ADAM18: variants seen among roughly 807,000 people sequenced by gnomAD.
ADAM18 encodes the protein ADAM metallopeptidase domain 18, also known as disintegrin and metalloproteinase domain-containing protein 18.
In ADAM18, 117 loss-of-function variants were observed where a neutral mutation model predicts 94.4. The observed-to-expected ratio is 1.24, with a 90% CI of 1.07 to 1.45. ADAM18 has a LOEUF of 1.45. ADAM18 is among the 40% of genes most tolerant of loss of function. The pLI, the probability that ADAM18 is intolerant of heterozygous loss-of-function variation, is 0.00. For synonymous variants in ADAM18, 327 were observed against 291.6 expected (o/e 1.12, Z -1.24); for missense variants, 936 against 880.0 (o/e 1.06, Z -0.81).
intron 18 of ADAM18, among the ~76,000 whole-genome samples, chr8:39,707,638 T>C (rs1001183732): frequency 6.6e-6 from 1 of 152,298 alleles, no homozygotes; most frequent in Admixed American, 6.5e-5. Context: ...GTTTCCTTAT[T>C]AAGGAAAATA....
At chr8:39,725,646 C>A (rs546954947) in intron 19 of ADAM18, among the ~76,000 whole-genome samples, 1 of 152,260 alleles carries the variant, frequency 6.6e-6, no homozygotes, top group African/African-American at 2.4e-5. Flanking sequence ...GGCATAATGT[C>A]CTCTACATCT....
intron 6 of ADAM18, among the ~76,000 whole-genome samples, chr8:39,615,580 C>A (rs1234979236): frequency 6.6e-6 from 1 of 152,142 alleles, no homozygotes; most frequent in African/African-American, 2.4e-5. Context: ...AATAATGAGT[C>A]ATCTATGACA....
intron 12 of ADAM18, among the ~76,000 whole-genome samples, chr8:39,654,002 C>G (rs1261994379): frequency 6.6e-6 from 1 of 151,610 alleles, no homozygotes; most frequent in East Asian, 1.9e-4. Flanking sequence ...TGGTAACAAC[C>G]ATTCTACTCT....
intron 7 of ADAM18, among the ~76,000 whole-genome samples, chr8:39,636,224 G>A (rs970594764): frequency 5.3e-4 from 80 of 151,948 alleles, no homozygotes; most frequent in African/African-American, 1.9e-3. Flanking sequence ...GTCTCACCAT[G>A]TTGTCCACGC....
chr8:39,596,793 C>T (rs550840164), intron 2 of ADAM18, among the ~76,000 whole-genome samples: 2 of 152,266 alleles, frequency 1.3e-5, no homozygotes, highest in East Asian at 3.9e-4. Context: ...TTTCTACAAA[C>T]GAAGAATAAG....
At chr8:39,718,761 A>AAAATACTTGCAAATAAATTG (rs1822655872) in intron 18 of ADAM18, among the ~76,000 whole-genome samples, 1 of 150,384 alleles carries the variant, frequency 6.6e-6, no homozygotes, top group Non-Finnish European at 1.5e-5. Flanking sequence ...ATCAGAAAAT[A>AAAATACTTGCAAATAAATTG]AAATACTTGC....
At chr8:39,675,834 T>C (rs1052782870) in intron 14 of ADAM18, among the ~76,000 whole-genome samples, 1 of 152,194 alleles carries the variant, frequency 6.6e-6, no homozygotes, top group Non-Finnish European at 1.5e-5. Flanking sequence ...TTTGTTGACA[T>C]TGATGCTATT....
chr8:39,628,362 T>G (rs2129579011), intron 6 of ADAM18, among the ~76,000 whole-genome samples: 1 of 152,080 alleles, frequency 6.6e-6, no homozygotes, highest in African/African-American at 2.4e-5. Context: ...CATGTATGTC[T>G]TGATAGATGA....
At chr8:39,659,116 A>G (rs1820765638) in intron 12 of ADAM18, among the ~76,000 whole-genome samples, 2 of 152,266 alleles carry the variant, frequency 1.3e-5, no homozygotes, top group South Asian at 2.1e-4. Context: ...TGAGACAATT[A>G]TAATGCATGA....
chr8:39,612,488 G>T (rs978326425), intron 6 of ADAM18, among the ~76,000 whole-genome samples: 16 of 152,174 alleles, frequency 1.1e-4, no homozygotes, highest in Admixed American at 1.0e-3. Flanking sequence ...AGAGAGAGCT[G>T]CTTGGAGAAG....
intron 18 of ADAM18, among the ~76,000 whole-genome samples, chr8:39,717,471 T>G (rs1231892186): frequency 6.6e-6 from 1 of 151,828 alleles, no homozygotes; most frequent in Non-Finnish European, 1.5e-5. Flanking sequence ...TCTTTTCATT[T>G]CAACCGGAAG....
intron 11 of ADAM18, among the ~76,000 whole-genome samples, chr8:39,647,027 G>A (rs930085295): frequency 6.6e-6 from 1 of 152,048 alleles, no homozygotes; most frequent in African/African-American, 2.4e-5. Context: ...TATCTCGTCA[G>A]GTGGGACGAG....
chr8:39,671,521 C>G (rs1408180406), intron 14 of ADAM18, among the ~76,000 whole-genome samples: 1 of 152,164 alleles, frequency 6.6e-6, no homozygotes, highest in Non-Finnish European at 1.5e-5. Flanking sequence ...AAGTTAAACT[C>G]TATATAAGTT....
Position 39,642,688 on chromosome 8 carries a change from A to G in ADAM18, c.910-2650A>G, listed in dbSNP as rs571217116. 3.3e-5 allele frequency among the ~76,000 whole-genome samples: 5 copies of G among 151,830 alleles called. No homozygotes were observed. In the East Asian group the frequency reaches 7.7e-4, roughly 24 times the overall value. On this transcript the variant is annotated intron_variant, in intron 10 of 19. Transcript: ENST00000265707. ...TAGTATAGTTTGAAGTCAGGTAGCA[A>G]CCATGATGTCTCCAGCTTTGTTTTC...
At chr8:39,689,434 C>G (rs151338122) in intron 16 of ADAM18, among the ~76,000 whole-genome samples, 1 of 152,190 alleles carries the variant, frequency 6.6e-6, no homozygotes, top group African/African-American at 2.4e-5. Context: ...ATCCCGGCAT[C>G]ATTTATTGAA....
intron 2 of ADAM18, among the ~76,000 whole-genome samples, chr8:39,586,713 C>A (rs1168724674): frequency 6.6e-6 from 1 of 152,088 alleles, no homozygotes; most frequent in Non-Finnish European, 1.5e-5. Flanking sequence ...GATGACAGAG[C>A]AAGACTTCAT....
chr8:39,667,846 T>C (rs1360267457), intron 13 of ADAM18, 152 bp from the exon 14 acceptor site: 2 of 702,314 alleles, frequency 2.8e-6, no homozygotes, highest in Admixed American at 5.6e-5. Flanking sequence ...GAATACTGTA[T>C]TTGATTTTTT....
intron 12 of ADAM18, among the ~76,000 whole-genome samples, chr8:39,662,553 T>C (rs1252620818): frequency 6.6e-6 from 1 of 152,176 alleles, no homozygotes; most frequent in Non-Finnish European, 1.5e-5. Flanking sequence ...TATAAAAATA[T>C]GGTGTAAATG....
intron 18 of ADAM18, among the ~76,000 whole-genome samples, chr8:39,710,423 A>G (rs1056647908): frequency 2.0e-5 from 3 of 152,248 alleles, no homozygotes; most frequent in African/African-American, 4.8e-5. Flanking sequence ...TGAAAAAATA[A>G]TGACTCCAAA....
Sources: gnomAD v4.1 joint callset for allele counts (sites outside exome capture counted in the v4.1 genomes callset) on GRCh38, gnomAD v4.1.1 for gene constraint, MANE v1.5 for transcripts, NCBI Gene and HGNC (gene_info 2026-07-23, HGNC 2026-07-21) for gene names.